CRISPLD2: variants seen among roughly 807,000 people sequenced by gnomAD.
CRISPLD2 encodes cysteine rich secretory protein LCCL domain containing 2, also known as cysteine-rich secretory protein LCCL domain-containing 2.
A neutral mutation model predicts 71.1 loss-of-function variants in CRISPLD2; 47 were observed. That is an observed-to-expected ratio of 0.66 (90% CI 0.52 to 0.84). The LOEUF (loss-of-function observed/expected upper bound fraction) is 0.84. CRISPLD2 is among the 40% of genes least tolerant of loss of function. CRISPLD2 has a pLI of 0.00. For synonymous variants in CRISPLD2, 317 were observed against 250.1 expected, an observed-to-expected ratio of 1.27 and a Z score of -2.52; for missense variants, 830 against 651.1, an observed-to-expected ratio of 1.27 and a Z score of -2.99.
intron 13 of CRISPLD2, among the ~76,000 whole-genome samples, chr16:84,886,648 C>T (rs1259620321): frequency 4.6e-5 from 7 of 152,106 alleles, no homozygotes; most frequent in African/African-American, 1.7e-4. Context: ...CATGGTGAAA[C>T]CCCATCTCTA....
chr16:84,838,758 G>C (rs367847792), intron 2 of CRISPLD2, 23 bp downstream of exon 2: 1 of 1,602,036 alleles, frequency 6.2e-7, no homozygotes, highest in Non-Finnish European at 8.5e-7. Context: ...TCCGGCCGCA[G>C]AGGCTGGCAC....
chr16:84,853,873 C>T (rs552952665), intron 5 of CRISPLD2, among the ~76,000 whole-genome samples: 14 of 152,208 alleles, frequency 9.2e-5, no homozygotes, highest in South Asian at 2.1e-4. Context: ...GGAGGCTGGC[C>T]GAGGGCACAT....
At chr16:84,820,397 C>A (rs540828653) in intron 1 of CRISPLD2, among the ~76,000 whole-genome samples, 1 of 152,218 alleles carries the variant, frequency 6.6e-6, no homozygotes, top group Non-Finnish European at 1.5e-5. Flanking sequence ...AGCGCAGAAT[C>A]CTGCTCCTTA....
chr16:84,869,590 A>C, intron 8 of CRISPLD2, among the ~76,000 whole-genome samples: 1 of 152,172 alleles, frequency 6.6e-6, no homozygotes, highest in Non-Finnish European at 1.5e-5. Context: ...GTGGGCTCAC[A>C]TGTGGTACTG....
chr16:84,827,235 G>C (rs1916374682), intron 1 of CRISPLD2, among the ~76,000 whole-genome samples: 1 of 151,484 alleles, frequency 6.6e-6, no homozygotes, highest in Non-Finnish European at 1.5e-5. Flanking sequence ...TTGAATCCCC[G>C]GAGTCTGGCC....
At position 84,838,666 on chromosome 16, in the gene CRISPLD2, G is replaced by A. The variant is rs1441962335; in HGVS notation, c.171G>A (p.Glu57=). 3.1e-6 allele frequency: 5 copies of A among 1,614,246 alleles called. No homozygotes were observed. The highest frequency in any genetic ancestry group is 4.2e-6 in the Non-Finnish European group (5 of 1,180,044). ...GAGCCATCCCCAGGGAGGACAAGGA[G>A]GAGATCCTCATGCTGCACAACAAGC... ...VRRAIPREDK[E]EILMLHNKLR... is the part of the protein sequence containing the mutation. The change falls in exon 2 of 15, where the codon GAG becomes GAA. Residue 57 remains glutamate, a synonymous_variant. Coordinates refer to ENST00000262424, the MANE Select transcript of CRISPLD2 (RefSeq NM_031476.4).
intron 14 of CRISPLD2, among the ~76,000 whole-genome samples, chr16:84,891,175 C>G (rs1444678836): frequency 6.6e-6 from 1 of 152,192 alleles, no homozygotes; most frequent in Non-Finnish European, 1.5e-5. Flanking sequence ...GAGCTCGTAA[C>G]AGGGCAATGT....
At chr16:84,888,314 G>C (rs935070139) in intron 13 of CRISPLD2, among the ~76,000 whole-genome samples, 1 of 152,234 alleles carries the variant, frequency 6.6e-6, no homozygotes, top group Non-Finnish European at 1.5e-5. Flanking sequence ...CGGGAGGATT[G>C]CTTGAGCCCA....
At chr16:84,843,723 CTT>C (rs1193310616) in intron 2 of CRISPLD2, among the ~76,000 whole-genome samples, 2 of 152,162 alleles carry the variant, frequency 1.3e-5, no homozygotes, top group Non-Finnish European at 2.9e-5. Flanking sequence ...ATTTTAGTAA[CTT>C]ATGATTTTCG....
intron 14 of CRISPLD2, among the ~76,000 whole-genome samples, chr16:84,903,970 T>C (rs2071778721): frequency 6.6e-6 from 1 of 152,186 alleles, no homozygotes; most frequent in Non-Finnish European, 1.5e-5. Context: ...TTTCTTGATT[T>C]GAAGCAGAGC....
At chr16:84,832,537 C>T (rs938895824) in intron 1 of CRISPLD2, among the ~76,000 whole-genome samples, 6 of 152,256 alleles carry the variant, frequency 3.9e-5, no homozygotes, top group Admixed American at 6.5e-5. Context: ...GACGCTTCGG[C>T]GGTGAACGAG....
chr16:84,872,874 G>A, intron 9 of CRISPLD2, 118 bp from the exon 10 acceptor site: 3 of 1,302,876 alleles, frequency 2.3e-6, no homozygotes, highest in Non-Finnish European at 3.2e-6. Flanking sequence ...AGCAGAGTGA[G>A]CTTTGGCCTG....
chr16:84,838,878 G>A (rs1303859849), intron 2 of CRISPLD2, 143 bp downstream of exon 2: 2 of 1,068,858 alleles, frequency 1.9e-6, no homozygotes, highest in African/African-American at 1.6e-5. Flanking sequence ...GGAGGATCCC[G>A]GCTCTGTTCT....
intron 11 of CRISPLD2, among the ~76,000 whole-genome samples, chr16:84,874,281 G>T (rs1004898119): frequency 6.6e-6 from 1 of 152,176 alleles, no homozygotes; most frequent in Non-Finnish European, 1.5e-5. Context: ...GATTGGTAAT[G>T]GCTACCTGGA....
At chr16:84,877,295 C>T (rs905691750) in intron 11 of CRISPLD2, 143 bp from the exon 12 acceptor site, 1 of 617,792 alleles carries the variant, frequency 1.6e-6, no homozygotes, top group Non-Finnish European at 2.8e-6. Context: ...GTACGAGGAG[C>T]CTGCTGGGTC....
chr16:84,883,486 A>C (rs1011326306), intron 13 of CRISPLD2, among the ~76,000 whole-genome samples: 1 of 152,178 alleles, frequency 6.6e-6, no homozygotes, highest in Non-Finnish European at 1.5e-5. Flanking sequence ...TCTGAACCTC[A>C]GTCTTCTGTC....
rs1262702515 is a variant in CRISPLD2 at position 84,873,015 on chromosome 16, C to T, written c.1005C>T (p.Ala335=). 3 of 1,613,646 alleles carry T rather than the reference C, an allele frequency of 1.9e-6. No homozygotes were observed. Among genetic ancestry groups the T allele is most frequent in the East Asian group, 4.5e-5 (2 of 44,834 alleles). Reference sequence around the variant, plus strand: ...AGTCGTCTAGCATATGCCGCGCCGCCATCCACTACGGGATCCTGGATGACA... The same window carrying T: ...AGTCGTCTAGCATATGCCGCGCCGCTATCCACTACGGGATCCTGGATGACA... The part of the protein sequence containing the change: ...YESSSSICRA[A]IHYGILDDKG... Residue 335 remains alanine (A), a synonymous_variant, in exon 10 of 15, where the codon GCC becomes GCT. Coordinates refer to ENST00000262424, the MANE Select transcript of CRISPLD2 (RefSeq NM_031476.4).
chr16:84,872,843 C>T, intron 9 of CRISPLD2, 149 bp from the exon 10 acceptor site: 3 of 995,196 alleles, frequency 3.0e-6, no homozygotes, highest in East Asian at 5.0e-5. Context: ...TATGTGGTTA[C>T]AGACAGAGGC....
At chr16:84,869,320 C>T (rs909013647) in intron 8 of CRISPLD2, among the ~76,000 whole-genome samples, 26 of 152,170 alleles carry the variant, frequency 1.7e-4, no homozygotes, top group African/African-American at 5.6e-4. Context: ...CAGGTGCAGC[C>T]GCCGCACGCA....
Sources: gnomAD v4.1 joint callset for allele counts (sites outside exome capture counted in the v4.1 genomes callset) on GRCh38, gnomAD v4.1.1 for gene constraint, MANE v1.5 for transcripts, NCBI Gene and HGNC (gene_info 2026-07-23, HGNC 2026-07-21) for gene names.